Variants in RGS14 observed in about 807,000 individuals in gnomAD.
RGS14 encodes regulator of G-protein signaling 14.
In RGS14, 33 loss-of-function variants were observed where a neutral mutation model predicts 63.8. That is an observed-to-expected ratio of 0.52 (90% CI 0.39 to 0.69). The LOEUF is 0.69. RGS14 is among the 30% of genes least tolerant of loss of function. The probability of loss-of-function intolerance (pLI) is 0.00; values close to 1 mark genes in which losing one functional copy is unlikely to be tolerated. For synonymous variants in RGS14, 296 were observed against 320.9 expected, an observed-to-expected ratio of 0.92 and a Z score of 0.83; for missense variants, 739 against 742.9, an observed-to-expected ratio of 0.99 and a Z score of 0.06.
At chr5:177,361,319 G>A (rs1438844640) in intron 1 of RGS14, among the ~76,000 whole-genome samples, 1 of 152,206 alleles carries the variant, frequency 6.6e-6, no homozygotes, top group Non-Finnish European at 1.5e-5. Flanking sequence ...TCAAGAGGAT[G>A]GTAGAGGGTG....
In RGS14 at chr5:177,371,253, G is replaced by T; in HGVS notation, c.1336+7G>T. The T allele has an allele frequency of 6.2e-7, 1 of 1,614,124 alleles. No homozygotes were observed. The highest frequency in any genetic ancestry group is 8.5e-7 in the Non-Finnish European group (1 of 1,179,982). On this transcript the variant is annotated splice_region_variant and intron_variant, in intron 12 of 14. Transcript: ENST00000408923. The surrounding 1 kb of genome is among the most constrained non-coding windows in gnomAD (Gnocchi z 6.1). The stretch of plus-strand genomic sequence containing the variant: ...GTTTTGGACACTCTTCCAGGTAGGG[G>T]ACGCTGGCCTCGGGGCTTGATCTGG...
intron 8 of RGS14, 92 bp from the exon 9 acceptor site, chr5:177,368,625 T>C (rs1762165473): frequency 7.5e-7 from 1 of 1,330,164 alleles, no homozygotes; most frequent in Non-Finnish European, 1.1e-6. Flanking sequence ...GTGTGCATGC[T>C]TGAGCCCCAG....
intron 7 of RGS14, 137 bp from the exon 8 acceptor site, chr5:177,368,020 G>C: frequency 4.1e-6 from 6 of 1,461,562 alleles, no homozygotes; most frequent in Non-Finnish European, 5.4e-6. Context: ...ATCTCCAACG[G>C]TGGTGTCGCT....
Position 177,367,019 on chromosome 5 carries a change from G to A in RGS14, c.468G>A (p.Arg156=). 6.2e-7 allele frequency: 1 copy of A among 1,610,950 alleles called. No individual in the cohort carries two copies. Among genetic ancestry groups the A allele is most frequent in the Non-Finnish European group, 8.5e-7 (1 of 1,179,068 alleles). Residue 156 remains arginine, a synonymous_variant, in exon 5 of 15, where the codon CGG becomes CGA. Transcript: ENST00000408923. The part of the protein sequence containing the change: ...VLAEPRPDMF[R]AQQLQIFNLM... Reference sequence around the variant, plus strand: ...CCGAGCCCCGGCCGGACATGTTTCGGGCACAGCAGCTTCAGGTGGGCGATC... The same window carrying A: ...CCGAGCCCCGGCCGGACATGTTTCGAGCACAGCAGCTTCAGGTGGGCGATC...
chr5:177,370,760 T>G, intron 10 of RGS14, 96 bp downstream of exon 10: 2 of 1,492,746 alleles, frequency 1.3e-6, no homozygotes, highest in Non-Finnish European at 1.8e-6. Context: ...CCCCTCGTGC[T>G]AGCCCCGCCC....
In RGS14 at chr5:177,367,038, G is replaced by T; in HGVS notation, c.483+4G>T. Reference sequence around the variant, plus strand: ...GTTTCGGGCACAGCAGCTTCAGGTGGGCGATCCTGGGGGGATTGGCCTTGA... The same window carrying T: ...GTTTCGGGCACAGCAGCTTCAGGTGTGCGATCCTGGGGGGATTGGCCTTGA... On this transcript the variant is annotated splice_donor_region_variant and intron_variant, in intron 5 of 14. Transcript: ENST00000408923. The T allele has an allele frequency of 6.2e-7, 1 of 1,606,384 alleles. No homozygotes were observed. Among genetic ancestry groups the T allele is most frequent in the Non-Finnish European group, 8.5e-7 (1 of 1,176,806 alleles).
At position 177,368,778 on chromosome 5, in the gene RGS14, G is replaced by T; in HGVS notation, c.911G>T (p.Cys304Phe). ...GESESRPGKY[C>F]CVYLPDGTAS... The stretch of plus-strand genomic sequence containing the variant: ...AGTGAAAGCCGGCCAGGGAAGTACT[G>T]CTGTGTGTACCTGCCCGATGGCACA... Residue 304 changes from cysteine to phenylalanine, a missense_variant, in exon 9 of 15, where the codon TGC (cysteine) becomes TTC (phenylalanine). By Grantham distance (205) the Cys-to-Phe change is radical. Coordinates refer to ENST00000408923, the MANE Select transcript of RGS14 (RefSeq NM_006480.5). 4 of 1,614,252 alleles carry T rather than the reference G, an allele frequency of 2.5e-6. No individual in the cohort carries two copies. The South Asian group carries it at 4.4e-5, about 18-fold the overall frequency.
chr5:177,370,060 G>T (rs1762200166), intron 9 of RGS14, among the ~76,000 whole-genome samples: 1 of 152,250 alleles, frequency 6.6e-6, no homozygotes, highest in Non-Finnish European at 1.5e-5. Flanking sequence ...CAGCAGTTTT[G>T]AGGGTGGGCC....
chr5:177,363,662 T>G lies in RGS14; in HGVS notation c.46-2301T>G, dbSNP rs754506680. Among the ~76,000 whole-genome samples the G allele has an allele frequency of 5.9e-5, 9 of 151,924 alleles. No individual in the cohort carries two copies. In the East Asian group the frequency reaches 1.5e-3, roughly 26 times the overall value. ...GCCCGATAGTGTTCTGAGTTCTTTATATATATTTCACTCATTTAATCGCAC... is the reference window on the plus strand; with the variant it reads ...GCCCGATAGTGTTCTGAGTTCTTTAGATATATTTCACTCATTTAATCGCAC... On this transcript the variant is annotated intron_variant, in intron 1 of 14. Transcript: ENST00000408923.
chr5:177,370,600 C>T lies in RGS14; in HGVS notation c.1063C>T (p.Leu355=). 6.2e-7 allele frequency: 1 copy of T among 1,614,068 alleles called. No individual in the cohort carries two copies. The highest frequency in any genetic ancestry group is 8.5e-7 in the Non-Finnish European group (1 of 1,179,970). ...CTGGCATCCACAGAAGGCCCTGGTCCTGGATCAGGACTGCACCGTGCTGGC... is the reference window on the plus strand; with the variant it reads ...CTGGCATCCACAGAAGGCCCTGGTCTTGGATCAGGACTGCACCGTGCTGGC... ...YLVGNEQALV[L]DQDCTVLADQ... is the part of the protein sequence containing the mutation. The change falls in exon 10 of 15, where the codon CTG becomes TTG. Residue 355 remains leucine (L), a synonymous_variant. Transcript: ENST00000408923.
chr5:177,368,411 C>G, intron 8 of RGS14, 145 bp downstream of exon 8: 2 of 869,760 alleles, frequency 2.3e-6, no homozygotes, highest in Non-Finnish European at 3.5e-6. Flanking sequence ...AGCCTCCTTA[C>G]TTGTCTCACT....
intron 1 of RGS14, among the ~76,000 whole-genome samples, chr5:177,365,040 C>T (rs989203621): frequency 3.3e-5 from 5 of 152,104 alleles, no homozygotes; most frequent in African/African-American, 9.7e-5. Flanking sequence ...TGCCCTCCCA[C>T]GGTGGTAATG....
At chr5:177,362,504 G>A (rs941049854) in intron 1 of RGS14, among the ~76,000 whole-genome samples, 1 of 152,220 alleles carries the variant, frequency 6.6e-6, no homozygotes, top group Admixed American at 6.5e-5. Flanking sequence ...GTGGTGGGAA[G>A]GGGCATTCAA....
intron 1 of RGS14, among the ~76,000 whole-genome samples, chr5:177,363,103 G>A (rs1056073282): frequency 3.3e-5 from 5 of 152,188 alleles, no homozygotes; most frequent in Non-Finnish European, 7.4e-5. Flanking sequence ...AGCCGGGGGA[G>A]GAGGAGCCCG....
chr5:177,363,172 T>G (rs1216486759), intron 1 of RGS14, among the ~76,000 whole-genome samples: 4 of 152,062 alleles, frequency 2.6e-5, no homozygotes, highest in African/African-American at 9.7e-5. Context: ...GGGAAAGGCT[T>G]CGTCCCGTCC....
rs1400772593 is a variant in RGS14, at chr5:177,371,298, G to A, written c.1336+52G>A. On this transcript the variant is annotated intron_variant, in intron 12 of 14. Coordinates refer to ENST00000408923, the MANE Select transcript of RGS14 (RefSeq NM_006480.5). This position sits in a 1 kb window ranked among gnomAD's most constrained non-coding sequence, Gnocchi z 6.1. ...ATCTGGAACAGCTGTGGCCCAGGAG[G>A]AAGGGGGTCCAGGTGGGAGGCAAAC... 1.2e-6 allele frequency: 2 copies of A among 1,614,050 alleles called. No individual in the cohort carries two copies. The highest frequency in any genetic ancestry group is 1.7e-6 in the Non-Finnish European group (2 of 1,179,930).
In RGS14 at chr5:177,359,714, G is replaced by T. The variant is rs922606712; in HGVS notation, c.45+1645G>T. On this transcript the variant is annotated intron_variant, in intron 1 of 14. Coordinates refer to ENST00000408923, the MANE Select transcript of RGS14 (RefSeq NM_006480.5). The surrounding 1 kb of genome is among the most constrained non-coding windows in gnomAD (Gnocchi z 4.4). ...TCTCTGTGCCACCTCTTAGAATCCC[G>T]AGGGTCACAGATTGGCTGCCTGCTG... Among the ~76,000 whole-genome samples the T allele has an allele frequency of 2.0e-5, 3 of 152,202 alleles. No homozygotes were observed. The highest frequency in any genetic ancestry group is 1.3e-4 in the Admixed American group (2 of 15,288).
At chr5:177,365,364 T>C (rs1762064508) in intron 1 of RGS14, among the ~76,000 whole-genome samples, 1 of 151,940 alleles carries the variant, frequency 6.6e-6, no homozygotes, top group African/African-American at 2.4e-5. Flanking sequence ...AGCTAATTTT[T>C]TTTTTTTTTT....
intron 8 of RGS14, 150 bp downstream of exon 8, chr5:177,368,416 C>G (rs550986815): frequency 1.1e-5 from 9 of 854,910 alleles, no homozygotes; most frequent in Non-Finnish European, 1.6e-5. Flanking sequence ...CCTTACTTGT[C>G]TCACTACATT....
Sources: gnomAD v4.1 joint callset for allele counts (sites outside exome capture counted in the v4.1 genomes callset) on GRCh38, gnomAD v4.1.1 for gene constraint, Gnocchi (gnomAD v3.1) non-coding constraint, MANE v1.5 for transcripts, NCBI Gene and HGNC (gene_info 2026-07-23, HGNC 2026-07-21) for gene names.